C10orf53: variants seen among roughly 807,000 people sequenced by gnomAD.
C10orf53 encodes the protein UPF0728 protein C10orf53.
In C10orf53, 8 loss-of-function variants were observed where a neutral mutation model predicts 9.4. The observed-to-expected ratio is 0.85, with a 90% CI of 0.50 to 1.53. The LOEUF (loss-of-function observed/expected upper bound fraction) is 1.53, where lower values mean the gene tolerates loss of function less well. C10orf53 is among the 40% of genes most tolerant of loss of function. C10orf53 has a pLI of 0.00. For missense variants in C10orf53, 117 were observed against 117.8 expected, an observed-to-expected ratio of 0.99 and a Z score of 0.03; for synonymous variants, 48 against 46.0, an observed-to-expected ratio of 1.04 and a Z score of -0.18.
In C10orf53 at chr10:49,695,960, A is replaced by G. The variant is rs1252787517; in HGVS notation, c.*1358A>G. 2.0e-5 allele frequency: 3 copies of G among 152,196 alleles called. No homozygotes were observed. The highest frequency in any genetic ancestry group is 4.4e-5 in the Non-Finnish European group (3 of 68,040). 9.4% of individuals were successfully genotyped at this position (152,196 alleles called of 1,614,324 possible). On this transcript the variant is annotated 3_prime_UTR_variant, in exon 3 of 3. Transcript: ENST00000374111. Reference sequence around the variant, plus strand: ...CATTCAATCTTTGTTTCAATATAACATTTTACTACAAGAGAAATCCATTCT... The same window carrying G: ...CATTCAATCTTTGTTTCAATATAACGTTTTACTACAAGAGAAATCCATTCT...
intron 1 of C10orf53, among the ~76,000 whole-genome samples, chr10:49,681,606 A>T (rs1840479478): frequency 6.6e-6 from 1 of 152,186 alleles, no homozygotes; most frequent in Non-Finnish European, 1.5e-5. Flanking sequence ...AACAATAGAA[A>T]TATATTTTTT....
intron 2 of C10orf53, among the ~76,000 whole-genome samples, chr10:49,708,075 C>G (rs966031767): frequency 6.6e-6 from 1 of 152,160 alleles, no homozygotes; most frequent in African/African-American, 2.4e-5. Flanking sequence ...CCTGCACACT[C>G]TATTGTCATA....
intron 1 of C10orf53, among the ~76,000 whole-genome samples, chr10:49,691,884 G>A (rs941428190): frequency 1.3e-5 from 2 of 152,196 alleles, no homozygotes; most frequent in Non-Finnish European, 2.9e-5. Context: ...GTTAACTGCC[G>A]AGTGGCAGCA....
At chr10:49,700,812 T>A (rs1005743297), downstream of C10orf53, among the ~76,000 whole-genome samples, 1 of 152,136 alleles carries the variant, frequency 6.6e-6, no homozygotes, top group African/African-American at 2.4e-5. Context: ...CAGTGTGGAC[T>A]CCCAGAGCCC....
downstream of C10orf53, among the ~76,000 whole-genome samples, chr10:49,701,990 T>C: frequency 6.6e-6 from 1 of 151,944 alleles, no homozygotes; most frequent in Non-Finnish European, 1.5e-5. Context: ...TCACTTGAGG[T>C]AGGGAGTTTG....
At chr10:49,689,669 A>G (rs916730032) in intron 1 of C10orf53, among the ~76,000 whole-genome samples, 7 of 152,284 alleles carry the variant, frequency 4.6e-5, no homozygotes, top group African/African-American at 1.7e-4. Flanking sequence ...AAAATCCTAC[A>G]CAGCGCTGAA....
intron 1 of C10orf53, among the ~76,000 whole-genome samples, chr10:49,685,513 T>A (rs1346598568): frequency 6.6e-6 from 1 of 152,030 alleles, no homozygotes; most frequent in Non-Finnish European, 1.5e-5. Flanking sequence ...CATCTGTACA[T>A]GTGTATAATG....
chr10:49,708,113 A>T (rs1840735270), intron 2 of C10orf53, among the ~76,000 whole-genome samples: 1 of 152,066 alleles, frequency 6.6e-6, no homozygotes, highest in Non-Finnish European at 1.5e-5. Flanking sequence ...ACTTCCCAAC[A>T]TCTTTCTCCA....
Position 49,696,878 on chromosome 10 carries a change from G to A in C10orf53, c.*2276G>A, listed in dbSNP as rs1223525883. Among the ~76,000 whole-genome samples, 1 of 152,180 alleles carries A rather than the reference G, an allele frequency of 6.6e-6. No homozygotes were observed. The highest frequency in any genetic ancestry group is 1.9e-4 in the East Asian group (1 of 5,190). On this transcript the variant is annotated 3_prime_UTR_variant, in exon 3 of 3. Transcript: ENST00000374111. ...TCACTTTGTATGTAAGTGTGTGTTA[G>A]GGGTACTTTTCAGATAAAAACTTAA...
At chr10:49,699,686 G>A (rs751457513), downstream of C10orf53, among the ~76,000 whole-genome samples, 2 of 152,158 alleles carry the variant, frequency 1.3e-5, no homozygotes, top group Non-Finnish European at 2.9e-5. Context: ...CTTCCCAGAA[G>A]GCCCCTGGCT....
chr10:49,705,357 A>G (rs1026915387), intron 2 of C10orf53, among the ~76,000 whole-genome samples: 1 of 152,210 alleles, frequency 6.6e-6, no homozygotes, highest in Non-Finnish European at 1.5e-5. Flanking sequence ...AACTTTGTAT[A>G]TATTATATTA....
At chr10:49,688,457 C>T (rs921712462) in intron 1 of C10orf53, among the ~76,000 whole-genome samples, 1 of 152,106 alleles carries the variant, frequency 6.6e-6, no homozygotes, top group African/African-American at 2.4e-5. Context: ...CCCTCATCTG[C>T]TTGCAGTTTG....
At chr10:49,680,877 A>G (rs918420837) in intron 1 of C10orf53, among the ~76,000 whole-genome samples, 2 of 152,228 alleles carry the variant, frequency 1.3e-5, no homozygotes, top group African/African-American at 4.8e-5. Context: ...ACTAAAATCA[A>G]AGACACCAAA....
intron 1 of C10orf53, among the ~76,000 whole-genome samples, chr10:49,682,621 T>A (rs1450898949): frequency 6.6e-6 from 1 of 151,912 alleles, no homozygotes; most frequent in Non-Finnish European, 1.5e-5. Flanking sequence ...TTTATTCCCT[T>A]AGTTGGTCCC....
At chr10:49,687,902 G>A (rs937954447) in intron 1 of C10orf53, among the ~76,000 whole-genome samples, 1 of 152,188 alleles carries the variant, frequency 6.6e-6, no homozygotes, top group African/African-American at 2.4e-5. Flanking sequence ...AATTTTGGAA[G>A]AAGAAATTTA....
Position 49,687,509 on chromosome 10 carries a change from C to T in C10orf53, c.98-6265C>T, listed in dbSNP as rs1006655758. Among the ~76,000 whole-genome samples, 4 of 152,186 alleles carry T rather than the reference C, an allele frequency of 2.6e-5. No homozygotes were observed. In the East Asian group the frequency reaches 5.8e-4, roughly 22 times the overall value. On this transcript the variant is annotated intron_variant, in intron 1 of 2. Coordinates refer to ENST00000374111, the MANE Select transcript of C10orf53 (RefSeq NM_001042427.3). ...ACATATGGTTTGAATTGGGCTCCAC[C>T]ATTTAGTAGCTTTGCAGTCAAGGTG...
intron 1 of C10orf53, among the ~76,000 whole-genome samples, chr10:49,690,623 T>TGGTG (rs888217747): frequency 1.3e-5 from 2 of 152,210 alleles, no homozygotes; most frequent in Non-Finnish European, 1.5e-5. Context: ...GAAGCTAAAC[T>TGGTG]AATGCTTAAC....
downstream of C10orf53, among the ~76,000 whole-genome samples, chr10:49,701,764 G>A (rs1459702351): frequency 6.6e-6 from 1 of 152,114 alleles, no homozygotes; most frequent in Non-Finnish European, 1.5e-5. Flanking sequence ...CCTTGGTGGA[G>A]CATCGCATGC....
chr10:49,682,187 C>G lies in C10orf53; in HGVS notation c.97+2393C>G, dbSNP rs942177256. On this transcript the variant is annotated intron_variant, in intron 1 of 2. Transcript: ENST00000374111. ...TCTTTACAATGTTGTGGAACCATCA[C>G]TATTCTCTCTTTTTAAAATTTTTCA... Among the ~76,000 whole-genome samples, 4 of 152,148 alleles carry G rather than the reference C, an allele frequency of 2.6e-5. No individual in the cohort carries two copies. In the South Asian group the frequency reaches 8.3e-4, roughly 32 times the overall value.
Sources: allele counts gnomAD v4.1 joint callset (sites outside exome capture counted in the v4.1 genomes callset), GRCh38; gene constraint gnomAD v4.1.1; transcripts MANE v1.5; gene names NCBI Gene and HGNC (gene_info 2026-07-23, HGNC 2026-07-21).